The following ANK2 variants were observed in gnomAD, a reference collection of about 807,000 sequenced individuals.
ANK2 encodes ankyrin-2.
ANK2 carries 83 observed loss-of-function variants against 360.5 expected under a neutral mutation model. That is an observed-to-expected ratio of 0.23 (90% CI 0.19 to 0.28). The LOEUF (loss-of-function observed/expected upper bound fraction) is 0.28. ANK2 is among the 10% of genes least tolerant of loss of function. The pLI, the probability that ANK2 is intolerant of heterozygous loss-of-function variation, is 1.00. For synonymous variants in ANK2, 1,740 were observed against 1,759.5 expected (o/e 0.99, Z 0.28); for missense variants, 4,201 against 4,795.7 (o/e 0.88, Z 3.66).
At chr4:113,024,060 C>T (rs994726784) in intron 2 of ANK2, among the ~76,000 whole-genome samples, 5 of 152,066 alleles carry the variant, frequency 3.3e-5, no homozygotes, top group Non-Finnish European at 7.4e-5. Context: ...TTTAAACCTT[C>T]CATTATAGTA....
In ANK2 at chr4:113,049,776, C is replaced by T. The variant is rs779606672; in HGVS notation, c.48C>T (p.Phe16=). Residue 16 remains phenylalanine (F), a synonymous_variant, in exon 1 of 46, where the codon TTC becomes TTT. Coordinates refer to ENST00000357077, the MANE Select transcript of ANK2 (RefSeq NM_001148.6). ...AAQKSDSGEK[F]NGSSQRRKRP... ...AGAAAAGCGACAGTGGAGAGAAGTT[C>T]AACGGCAGTAGTCAGAGGAGAAAAA... The T allele has an allele frequency of 6.2e-7, 1 of 1,613,736 alleles. No individual in the cohort carries two copies. Among genetic ancestry groups the T allele is most frequent in the Non-Finnish European group, 8.5e-7 (1 of 1,179,812 alleles).
intron 1 of ANK2, among the ~76,000 whole-genome samples, chr4:112,904,189 A>G (rs984353621): frequency 6.6e-6 from 1 of 152,148 alleles, no homozygotes; most frequent in African/African-American, 2.4e-5. Flanking sequence ...GGACATTCTC[A>G]TATTTTTAAA....
chr4:112,717,833 G>C, the ANK2 span, among the ~76,000 whole-genome samples: 3 of 151,998 alleles, frequency 2.0e-5, no homozygotes, highest in African/African-American at 7.2e-5. Context: ...AAAGTACCAG[G>C]GCTATTGACT....
chr4:113,263,709 T>C (rs1308237564), intron 13 of ANK2, among the ~76,000 whole-genome samples: 1 of 152,256 alleles, frequency 6.6e-6, no homozygotes, highest in African/African-American at 2.4e-5. Context: ...TTATTTGGAA[T>C]GGTTTACTTT....
chr4:113,072,837 A>G (rs78209121), intron 1 of ANK2, among the ~76,000 whole-genome samples: 4,524 of 145,192 alleles, frequency 0.031, 104 homozygotes, highest in Non-Finnish European at 0.048. Flanking sequence ...ATAATTATAG[A>G]TATTTGAATA....
chr4:112,816,932 A>T (rs930447794), upstream of ANK2, among the ~76,000 whole-genome samples: 1 of 152,082 alleles, frequency 6.6e-6, no homozygotes, highest in Non-Finnish European at 1.5e-5. Flanking sequence ...AATCACTTGA[A>T]CCCGGGAGGG....
chr4:112,964,884 T>G (rs1261324681), intron 2 of ANK2, among the ~76,000 whole-genome samples: 2 of 152,156 alleles, frequency 1.3e-5, no homozygotes, highest in Admixed American at 6.5e-5. Flanking sequence ...CCACATTTTC[T>G]TTGTCCATTA....
chr4:113,287,184 T>C (rs184042086), intron 18 of ANK2, among the ~76,000 whole-genome samples: 96 of 152,368 alleles, frequency 6.3e-4, no homozygotes, highest in African/African-American at 2.1e-3. Context: ...ACTGATGTGA[T>C]ATTTTGTTGA....
intron 9 of ANK2, among the ~76,000 whole-genome samples, chr4:113,247,174 AC>A (rs1338119186): frequency 2.5e-4 from 38 of 150,570 alleles, no homozygotes; most frequent in African/African-American, 8.9e-4. Context: ...AAAAAAAAAA[AC>A]AACAACAGAG....
intron 1 of ANK2, among the ~76,000 whole-genome samples, chr4:112,844,539 A>C (rs1316442503): frequency 6.6e-6 from 1 of 152,184 alleles, no homozygotes; most frequent in African/African-American, 2.4e-5. Flanking sequence ...TGTGTACTTC[A>C]ATCATCCATC....
At chr4:112,712,873 T>C in the ANK2 span, among the ~76,000 whole-genome samples, 1 of 152,196 alleles carries the variant, frequency 6.6e-6, no homozygotes, top group African/African-American at 2.4e-5. Context: ...AATAGACATA[T>C]AGTAAAATTC....
chr4:112,769,301 GT>G, the ANK2 span, among the ~76,000 whole-genome samples: 2 of 152,300 alleles, frequency 1.3e-5, no homozygotes, highest in South Asian at 4.1e-4. Flanking sequence ...CTTTCTTCAA[GT>G]TTGCCAGTGT....
At chr4:113,323,656 G>T (rs193301088) in intron 26 of ANK2, 10 of 1,090,426 alleles carry the variant, frequency 9.2e-6, no homozygotes, top group Middle Eastern at 4.2e-4. Flanking sequence ...TGTTTTCAAT[G>T]AATAAGGTAT....
chr4:113,330,028 A>G (rs1175727575), intron 26 of ANK2, among the ~76,000 whole-genome samples: 1 of 152,222 alleles, frequency 6.6e-6, no homozygotes, highest in Non-Finnish European at 1.5e-5. Flanking sequence ...ATTATTCTTT[A>G]CAGATTAAAA....
chr4:112,809,343 C>T, the ANK2 span, among the ~76,000 whole-genome samples: 68 of 150,676 alleles, frequency 4.5e-4, 1 homozygote, highest in African/African-American at 1.4e-3. Context: ...GGATGGATCA[C>T]GAGGTCAGGA....
intron 1 of ANK2, among the ~76,000 whole-genome samples, chr4:113,072,765 T>TTTTTTTTTTTTTTTTTTG (rs142762570): frequency 8.3e-6 from 1 of 121,196 alleles, no homozygotes; most frequent in Admixed American, 9.6e-5. Context: ...TTTTTTTTTT[T>TTTTTTTTTTTTTTTTTTG]GCTGTCTTGT....
rs1197148822 is a variant in ANK2 at position 113,343,037 on chromosome 4, C to G, written c.4143C>G (p.Ile1381Met). 4 of 1,613,864 alleles carry G rather than the reference C, an allele frequency of 2.5e-6. No homozygotes were observed. The Admixed American group carries it at 6.7e-5, about 27-fold the overall frequency. ...RDVEVLEGKP[I>M]YVDCFGNLVP... ...CTCAGGTGTTAGAAGGAAAACCCAT[C>G]TACGTTGATTGTTTCGGCAACTTGG... is the stretch of plus-strand genomic sequence containing the variant. Residue 1381 changes from isoleucine (I) to methionine (M), a missense_variant, in exon 34 of 46, where the codon ATC (isoleucine) becomes ATG (methionine). By Grantham distance (10) the Ile-to-Met change is conservative. Around this residue, in one of 4 missense-constraint regions of ANK2, gnomAD observed 1,268 missense variants for 1,650.8 expected, o/e 0.77. Coordinates refer to ENST00000357077, the MANE Select transcript of ANK2 (RefSeq NM_001148.6).
At chr4:113,124,490 T>A (rs1448675431) in intron 1 of ANK2, among the ~76,000 whole-genome samples, 2 of 152,280 alleles carry the variant, frequency 1.3e-5, no homozygotes, top group East Asian at 3.9e-4. Flanking sequence ...TTTTGTTTGG[T>A]TGGTTGGTCA....
At chr4:113,056,311 C>T (rs1276177200) in intron 1 of ANK2, among the ~76,000 whole-genome samples, 1 of 152,148 alleles carries the variant, frequency 6.6e-6, no homozygotes, top group African/African-American at 2.4e-5. Flanking sequence ...TTTCCATACA[C>T]TCTTTTCTGA....
Sources: allele counts gnomAD v4.1 joint callset (sites outside exome capture counted in the v4.1 genomes callset), GRCh38; gene constraint gnomAD v4.1.1; regional missense constraint gnomAD v4.1.1; transcripts MANE v1.5; gene names NCBI Gene and HGNC (gene_info 2026-07-23, HGNC 2026-07-21).